The following GHR variants were observed in gnomAD, a reference collection of about 807,000 sequenced individuals.
GHR encodes growth hormone receptor, also known as GH receptor.
A neutral mutation model predicts 67.1 loss-of-function variants in GHR; 35 were observed. The ratio of observed to expected loss-of-function variants is 0.52; its 90% CI spans 0.40 to 0.69. The LOEUF is 0.69. GHR is among the 30% of genes least tolerant of loss of function. The pLI, the probability that GHR is intolerant of heterozygous loss-of-function variation, is 0.00. For synonymous variants in GHR, 272 were observed against 269.1 expected (o/e 1.01, Z -0.10); for missense variants, 792 against 764.6 (o/e 1.04, Z -0.42).
At chr5:42,519,848 A>G (rs901145829) in intron 1 of GHR, among the ~76,000 whole-genome samples, 2 of 152,180 alleles carry the variant, frequency 1.3e-5, no homozygotes, top group African/African-American at 4.8e-5. Flanking sequence ...TGACACATGT[A>G]GTAAAAACTG....
At chr5:42,625,653 G>A (rs7442690) in intron 2 of GHR, among the ~76,000 whole-genome samples, 23,646 of 151,492 alleles carry the variant, frequency 0.16, 2,023 homozygotes, top group African/African-American at 0.18. Flanking sequence ...TCAAATGGGG[G>A]GCTTCCAGGC....
intron 2 of GHR, among the ~76,000 whole-genome samples, chr5:42,570,900 G>T (rs1218595887): frequency 6.6e-6 from 1 of 152,158 alleles, no homozygotes. Context: ...GGAAGTTGAT[G>T]ACAATAGGTC....
chr5:42,688,955 T>A lies in GHR; in HGVS notation c.202T>A (p.Trp68Arg). The part of the protein sequence containing the change: ...SPERETFSCH[W>R]TDEVHHGTKN... ...TGAGCGAGAGACTTTTTCATGCCAC[T>A]GGACAGATGAGGTTCATCATGGTAC... The change falls in exon 4 of 10, where the codon TGG becomes AGG. Residue 68 changes from tryptophan to arginine, a missense_variant. Physicochemically the swap from Trp to Arg is moderately radical, Grantham distance 101. Transcript: ENST00000230882. 1 of 1,613,166 alleles carries A rather than the reference T, an allele frequency of 6.2e-7. No homozygotes were observed. Among genetic ancestry groups the A allele is most frequent in the South Asian group, 1.1e-5 (1 of 91,066 alleles).
intron 1 of GHR, among the ~76,000 whole-genome samples, chr5:42,492,486 G>T (rs1425086134): frequency 6.6e-6 from 1 of 152,290 alleles, no homozygotes; most frequent in East Asian, 1.9e-4. Context: ...ATAGGCAGCT[G>T]GTGGTTTTCT....
chr5:42,531,368 C>A (rs1281108466), intron 1 of GHR, among the ~76,000 whole-genome samples: 5 of 152,014 alleles, frequency 3.3e-5, no homozygotes, highest in African/African-American at 1.2e-4. Context: ...ATGGTTAGAA[C>A]TTATGAGTAG....
intron 3 of GHR, among the ~76,000 whole-genome samples, chr5:42,655,112 T>C (rs983597004): frequency 1.2e-4 from 19 of 152,306 alleles, no homozygotes; most frequent in Admixed American, 1.1e-3. Context: ...TTAGGAATTC[T>C]CTTGCTTTAT....
chr5:42,605,684 C>T (rs1223279421), intron 2 of GHR, among the ~76,000 whole-genome samples: 4 of 152,208 alleles, frequency 2.6e-5, no homozygotes, highest in Non-Finnish European at 5.9e-5. Context: ...TCTCTTTAAA[C>T]ATTTACTTTG....
chr5:42,690,948 G>A (rs1312679312), intron 4 of GHR, among the ~76,000 whole-genome samples: 3 of 152,062 alleles, frequency 2.0e-5, no homozygotes, highest in Non-Finnish European at 4.4e-5. Flanking sequence ...TCTTAAGCTG[G>A]GCCCACTTTA....
intron 1 of GHR, among the ~76,000 whole-genome samples, chr5:42,508,008 T>A (rs1746850835): frequency 6.6e-6 from 1 of 152,074 alleles, no homozygotes; most frequent in Non-Finnish European, 1.5e-5. Context: ...GAGTAACTAG[T>A]CCAGATGGGA....
intron 1 of GHR, among the ~76,000 whole-genome samples, chr5:42,461,490 C>G (rs1321818612): frequency 6.6e-6 from 1 of 152,168 alleles, no homozygotes; most frequent in Non-Finnish European, 1.5e-5. Context: ...TCATTGGGAG[C>G]CCCTTACATC....
chr5:42,607,286 G>T (rs1349383313), intron 2 of GHR, among the ~76,000 whole-genome samples: 2 of 152,142 alleles, frequency 1.3e-5, no homozygotes, highest in African/African-American at 4.8e-5. Context: ...AATATAAGGA[G>T]CAAGTCCCTC....
chr5:42,467,064 A>T, intron 1 of GHR: 1 of 1,580,166 alleles, frequency 6.3e-7, no homozygotes, highest in South Asian at 1.1e-5. Context: ...GTTTTTCTCC[A>T]TTATGGATTC....
intron 2 of GHR, among the ~76,000 whole-genome samples, chr5:42,620,844 T>C (rs767015541): frequency 6.6e-6 from 1 of 152,128 alleles, no homozygotes; most frequent in Non-Finnish European, 1.5e-5. Context: ...AATTCACAAG[T>C]CTTAAAAAGA....
chr5:42,498,604 A>AG (rs1470836148), intron 1 of GHR, among the ~76,000 whole-genome samples: 1 of 152,238 alleles, frequency 6.6e-6, no homozygotes, highest in Non-Finnish European at 1.5e-5. Context: ...TGGTTGAAGG[A>AG]GATCCAAGCA....
At chr5:42,524,679 G>C (rs916911592) in intron 1 of GHR, among the ~76,000 whole-genome samples, 7 of 152,176 alleles carry the variant, frequency 4.6e-5, no homozygotes, top group Admixed American at 3.9e-4. Flanking sequence ...AGACCTTCAT[G>C]GCAGACCTCC....
At chr5:42,680,442 T>C (rs994780957) in intron 3 of GHR, among the ~76,000 whole-genome samples, 6 of 151,428 alleles carry the variant, frequency 4.0e-5, no homozygotes, top group Non-Finnish European at 5.9e-5. Flanking sequence ...TGTGCTTTTC[T>C]TTTTTTTTCT....
intron 1 of GHR, among the ~76,000 whole-genome samples, chr5:42,483,931 T>C (rs577150229): frequency 6.6e-6 from 1 of 152,300 alleles, no homozygotes; most frequent in East Asian, 1.9e-4. Context: ...TGACTCTGAT[T>C]TTTATCTTGT....
At chr5:42,526,193 A>G (rs774615198) in intron 1 of GHR, among the ~76,000 whole-genome samples, 2 of 152,206 alleles carry the variant, frequency 1.3e-5, no homozygotes, top group African/African-American at 4.8e-5. Flanking sequence ...ATTAAAAAAA[A>G]AAAAGTGACA....
At chr5:42,593,574 A>G (rs1751907387) in intron 2 of GHR, among the ~76,000 whole-genome samples, 1 of 152,190 alleles carries the variant, frequency 6.6e-6, no homozygotes, top group Admixed American at 6.5e-5. Flanking sequence ...ATCTTGGTAC[A>G]GCTACCTCCT....
Sources: allele counts gnomAD v4.1 joint callset (sites outside exome capture counted in the v4.1 genomes callset), GRCh38; gene constraint gnomAD v4.1.1; transcripts MANE v1.5; gene names NCBI Gene and HGNC (gene_info 2026-07-23, HGNC 2026-07-21).